The following KLHL3 variants were observed in gnomAD, a reference collection of about 807,000 sequenced individuals.
KLHL3 encodes kelch-like protein 3.
A neutral mutation model predicts 70.5 loss-of-function variants in KLHL3; 19 were observed. That is an observed-to-expected ratio of 0.27 (90% CI 0.19 to 0.40). The LOEUF is 0.40. KLHL3 is among the 10% of genes least tolerant of loss of function. The pLI is 1.00. For synonymous variants in KLHL3, 258 were observed against 290.3 expected (o/e 0.89, Z 1.13); for missense variants, 512 against 771.1 (o/e 0.66, Z 3.98).
At chr5:137,622,730 T>C (rs184627429) in intron 14 of KLHL3, among the ~76,000 whole-genome samples, 3 of 152,354 alleles carry the variant, frequency 2.0e-5, no homozygotes, top group African/African-American at 7.2e-5. Context: ...CAGACATGTA[T>C]GCTATGTTAC....
chr5:137,706,363 T>C (rs1752685507), intron 3 of KLHL3: 1 of 985,228 alleles, frequency 1.0e-6, no homozygotes, highest in African/African-American at 1.7e-5. Context: ...AATTTTGCAA[T>C]GTTACTGGAG....
At chr5:137,693,940 C>T (rs1195037667) in intron 4 of KLHL3, among the ~76,000 whole-genome samples, 1 of 151,930 alleles carries the variant, frequency 6.6e-6, no homozygotes, top group Non-Finnish European at 1.5e-5. Flanking sequence ...TGACTCTCAT[C>T]ACTTTTATGT....
chr5:137,703,924 G>A (rs1752623243), intron 3 of KLHL3, among the ~76,000 whole-genome samples: 1 of 149,244 alleles, frequency 6.7e-6, no homozygotes, highest in African/African-American at 2.5e-5. Context: ...ACATCCACAA[G>A]AATTTTAAAA....
chr5:137,685,372 T>C (rs1157527679), intron 5 of KLHL3, among the ~76,000 whole-genome samples: 2 of 152,226 alleles, frequency 1.3e-5, no homozygotes, highest in East Asian at 3.8e-4. Flanking sequence ...GATATAGCCA[T>C]ACACAAGGGT....
chr5:137,646,674 C>T (rs1390191848), intron 8 of KLHL3, among the ~76,000 whole-genome samples: 1 of 152,152 alleles, frequency 6.6e-6, no homozygotes, highest in East Asian at 1.9e-4. Flanking sequence ...TCCAGAAACA[C>T]CCAGGCCCAG....
intron 8 of KLHL3, among the ~76,000 whole-genome samples, chr5:137,650,054 G>A (rs1260726378): frequency 6.6e-6 from 1 of 152,220 alleles, no homozygotes; most frequent in Non-Finnish European, 1.5e-5. Context: ...CAAAGAAGCT[G>A]CTCAGTAATT....
At chr5:137,625,229 T>C (rs1252727943) in intron 14 of KLHL3, among the ~76,000 whole-genome samples, 2 of 152,284 alleles carry the variant, frequency 1.3e-5, no homozygotes, top group Non-Finnish European at 1.5e-5. Flanking sequence ...CAAAGTTTAA[T>C]TGAGCCTATC....
At chr5:137,729,704 T>C (rs145955542) in intron 1 of KLHL3, among the ~76,000 whole-genome samples, 63 of 152,266 alleles carry the variant, frequency 4.1e-4, no homozygotes, top group African/African-American at 1.4e-3. Context: ...GGACCCTATA[T>C]AGATAGGATT....
intron 7 of KLHL3, chr5:137,661,658 A>G (rs1751478555): frequency 5.7e-6 from 2 of 348,042 alleles, no homozygotes; most frequent in South Asian, 7.9e-5. Flanking sequence ...TGGAAGAAAA[A>G]CTGAGGCTTG....
At chr5:137,729,183 A>G (rs186310482) in intron 1 of KLHL3, among the ~76,000 whole-genome samples, 1 of 152,282 alleles carries the variant, frequency 6.6e-6, no homozygotes, top group East Asian at 1.9e-4. Context: ...GCCCAAGCAC[A>G]TTATGTTCAA....
rs1750524793 is a variant in KLHL3, at chr5:137,628,066, T to TG, written c.1591+230dup. 8 of 548,576 alleles carry TG rather than the reference T, an allele frequency of 1.5e-5. No homozygotes were observed. The Admixed American group carries it at 1.9e-4, about 13-fold the overall frequency. 34.0% of individuals were successfully genotyped at this position (548,576 alleles called of 1,614,324 possible). A position where few individuals can be genotyped will look rare whatever the true frequency, so the allele number is the denominator to read the frequency against. ...TGCGGTAAAAGTCATCACCCTTCAC[T>TG]GCGGGGAAAGGGGATCCTCTGCATC... is the stretch of plus-strand genomic sequence containing the variant. On this transcript the variant is annotated intron_variant, in intron 13 of 14. Coordinates refer to ENST00000309755, the MANE Select transcript of KLHL3 (RefSeq NM_017415.3).
In KLHL3 at chr5:137,625,894, C is replaced by A; in HGVS notation, c.1594G>T (p.Val532Phe). Residue 532 changes from valine to phenylalanine, a missense_variant and splice_region_variant, in exon 14 of 15, where the codon GTC (valine) becomes TTC (phenylalanine). Val to Phe is a conservative substitution (Grantham distance 50). Coordinates refer to ENST00000309755, the MANE Select transcript of KLHL3 (RefSeq NM_017415.3). ...TACAGGAGCCCATTTACTGCACAGA[C>A]CCCTGTGAGTCAAACAAAAGCCATG... Reference protein sequence around the residue: ...DMNMCRRNAGVCAVNGLLYVV... With the variant: ...DMNMCRRNAGFCAVNGLLYVV... 4 of 1,614,182 alleles carry A rather than the reference C, an allele frequency of 2.5e-6. No homozygotes were observed. Among genetic ancestry groups the A allele is most frequent in the Non-Finnish European group, 3.4e-6 (4 of 1,180,028 alleles).
chr5:137,710,314 G>A (rs1752767913), intron 2 of KLHL3, among the ~76,000 whole-genome samples: 1 of 152,142 alleles, frequency 6.6e-6, no homozygotes, highest in African/African-American at 2.4e-5. Flanking sequence ...CACTGTATAT[G>A]CAACACCAGT....
rs1750324808 is a variant in KLHL3 at position 137,622,048 on chromosome 5, C to T, written c.*50G>A. 6.2e-7 allele frequency: 1 copy of T among 1,604,396 alleles called. No individual in the cohort carries two copies. Among genetic ancestry groups the T allele is most frequent in the African/African-American group, 1.3e-5 (1 of 74,846 alleles). ...TCACCAAGGTCCTGCTGTTCAGAGT[C>T]ACAGGCAGCACCTGCTCCTTCCTCC... On this transcript the variant is annotated 3_prime_UTR_variant, in exon 15 of 15. Coordinates refer to ENST00000309755, the MANE Select transcript of KLHL3 (RefSeq NM_017415.3).
At position 137,724,229 on chromosome 5, in the gene KLHL3, CA is replaced by C. The variant is rs1753050817; in HGVS notation, c.15-3646del. 2.0e-5 allele frequency among the ~76,000 whole-genome samples: 3 copies of C among 152,152 alleles called. No homozygotes were observed. In the South Asian group the frequency reaches 6.2e-4, roughly 32 times the overall value. On this transcript the variant is annotated intron_variant, in intron 1 of 14. Transcript: ENST00000309755. Reference sequence around the variant, plus strand: ...TGAGAAAGCATAATTTGGTATAGATCAGGAAACCACTGAAGGTTCTTGACAG... The same window carrying C: ...TGAGAAAGCATAATTTGGTATAGATCGGAAACCACTGAAGGTTCTTGACAG...
At chr5:137,714,425 G>A (rs1752855995) in intron 2 of KLHL3, among the ~76,000 whole-genome samples, 1 of 152,062 alleles carries the variant, frequency 6.6e-6, no homozygotes. Flanking sequence ...AGTCAAATGT[G>A]GTATATCTAT....
chr5:137,696,313 T>C (rs1000694008), intron 4 of KLHL3, among the ~76,000 whole-genome samples: 1 of 123,422 alleles, frequency 8.1e-6, no homozygotes, highest in Non-Finnish European at 1.7e-5. Context: ...CAGTGCCACA[T>C]AAAGAAAGAA....
chr5:137,628,141 C>G (rs1750527725), intron 13 of KLHL3, 156 bp downstream of exon 13: 1 of 874,188 alleles, frequency 1.1e-6, no homozygotes, highest in African/African-American at 1.7e-5. Context: ...TTCTCCCCTC[C>G]TCTAATCAAG....
At chr5:137,657,738 G>A (rs770645377) in intron 8 of KLHL3, among the ~76,000 whole-genome samples, 2 of 152,146 alleles carry the variant, frequency 1.3e-5, no homozygotes, top group African/African-American at 2.4e-5. Flanking sequence ...AACAGACTAG[G>A]ACTATTCTGA....
Sources: allele counts gnomAD v4.1 joint callset (sites outside exome capture counted in the v4.1 genomes callset), GRCh38; gene constraint gnomAD v4.1.1; transcripts MANE v1.5; gene names NCBI Gene and HGNC (gene_info 2026-07-23, HGNC 2026-07-21).